RSRP1: variants seen among roughly 807,000 people sequenced by gnomAD.
RSRP1 encodes the protein arginine and serine rich protein 1, also known as arginine/serine-rich protein 1.
In RSRP1, 37 loss-of-function variants were observed where a neutral mutation model predicts 33.0. That is an observed-to-expected ratio of 1.12 (90% CI 0.86 to 1.48). RSRP1 has a LOEUF of 1.48. Among genes scored for constraint, RSRP1 ranks in the 40% most tolerant of loss-of-function variants. The probability of loss-of-function intolerance (pLI) is 0.00; values close to 1 mark genes in which losing one functional copy is unlikely to be tolerated. For synonymous variants in RSRP1, 167 were observed against 158.7 expected (o/e 1.05, Z -0.40); for missense variants, 402 against 385.3 (o/e 1.04, Z -0.36).
rs978970839 is a variant in RSRP1, at chr1:25,246,522, G to A, written c.442C>T (p.Pro148Ser). The change falls in exon 2 of 5, where the codon CCG (proline) becomes TCG (serine). Residue 148 changes from proline to serine, a missense_variant. Coordinates refer to ENST00000243189, the MANE Select transcript of RSRP1 (RefSeq NM_020317.5). ...TCCCTCCATCTGCTGTGCTCCTCCG[G>A]GTACACTGTGCGACCAAAGCCGTAG... The part of the protein sequence containing the change: ...RYYGFGRTVY[P>S]EEHSRWRDRS... The A allele has an allele frequency of 6.2e-7, 1 of 1,614,238 alleles. No individual in the cohort carries two copies. The highest frequency in any genetic ancestry group is 1.7e-5 in the Admixed American group (1 of 60,036).
At chr1:25,331,564 A>ATTTT (rs71014354) in intron 1 of RSRP1, among the ~76,000 whole-genome samples, 3 of 74,362 alleles carry the variant, frequency 4.0e-5, no homozygotes, top group Non-Finnish European at 5.7e-5. Flanking sequence ...GAAAAATGTG[A>ATTTT]TTTTTTTTTT....
upstream of RSRP1, among the ~76,000 whole-genome samples, chr1:25,250,034 C>T (rs988190025): frequency 1.6e-4 from 24 of 152,148 alleles, no homozygotes; most frequent in Admixed American, 2.0e-4. Context: ...AAAATTCTCT[C>T]GGCCCTGAAG....
At chr1:25,260,078 C>T (rs1571540539) in intron 1 of RSRP1, among the ~76,000 whole-genome samples, 1 of 152,228 alleles carries the variant, frequency 6.6e-6, no homozygotes, top group South Asian at 2.1e-4. Flanking sequence ...AATGAATAAG[C>T]GGTTTTCTTA....
At chr1:25,310,967 C>G (rs1440307238) in intron 1 of RSRP1, among the ~76,000 whole-genome samples, 1 of 123,162 alleles carries the variant, frequency 8.1e-6, no homozygotes, top group African/African-American at 2.7e-5. Context: ...GAGCAAAACT[C>G]CATCTCAAAA....
chr1:25,260,036 A>G (rs1211809107), intron 1 of RSRP1, among the ~76,000 whole-genome samples: 2 of 152,108 alleles, frequency 1.3e-5, no homozygotes, highest in Non-Finnish European at 2.9e-5. Context: ...TTCTATTGCT[A>G]TGTGTCACAC....
At chr1:25,282,208 G>T (rs554488280) in intron 1 of RSRP1, among the ~76,000 whole-genome samples, 3 of 132,484 alleles carry the variant, frequency 2.3e-5, no homozygotes, top group Admixed American at 1.5e-4. Flanking sequence ...GCTATGAAGT[G>T]GAAACACATA....
rs1642313755 is a variant in RSRP1, at chr1:25,289,475, A to G, written c.-66-42446T>C. ...CTCCCAAAGTGCTGGGAGTACAGGC[A>G]TGAGCCACTGCACCCAGCCTTATAG... On this transcript the variant is annotated intron_variant, in intron 1 of 1. Transcript: ENST00000561867. 2.3e-5 allele frequency among the ~76,000 whole-genome samples: 3 copies of G among 132,696 alleles called. 1 individual carries two copies. Among genetic ancestry groups the G allele is most frequent in the Admixed American group, 2.2e-4 (3 of 13,636 alleles). 87.1% of individuals were successfully genotyped at this position (132,696 alleles called of 152,430 possible).
Position 25,318,875 on chromosome 1 carries a change from G to C in RSRP1, c.-67+19103C>G, listed in dbSNP as rs764544259. On this transcript the variant is annotated intron_variant, in intron 1 of 1. Coordinates refer to the RSRP1 transcript ENST00000561867. ...TGGAGGTACTTTTTGGAGTTACCTG[G>C]GTAATTTTTGAGTGTGAGATTGGCT... 3.0e-5 allele frequency among the ~76,000 whole-genome samples: 4 copies of C among 132,226 alleles called. 1 individual carries two copies. The highest frequency in any genetic ancestry group is 5.2e-5 in the African/African-American group (2 of 38,786). The allele number at this position is 132,226 out of a possible 152,430, so 86.7% of individuals were successfully genotyped here.
intron 1 of RSRP1, 105 bp downstream of exon 1, chr1:25,247,204 C>T: frequency 2.2e-6 from 1 of 459,780 alleles, no homozygotes; most frequent in East Asian, 3.2e-5. Context: ...GGCCTTGAAG[C>T]GAAACGCTGC....
chr1:25,293,950 C>T, intron 1 of RSRP1, among the ~76,000 whole-genome samples: 1 of 131,778 alleles, frequency 7.6e-6, no homozygotes, highest in African/African-American at 2.6e-5. Context: ...CATTAACTCA[C>T]CAGAATACAG....
At chr1:25,259,551 G>A (rs1640061611) in intron 1 of RSRP1, among the ~76,000 whole-genome samples, 1 of 150,606 alleles carries the variant, frequency 6.6e-6, no homozygotes, top group Non-Finnish European at 1.5e-5. Flanking sequence ...TCACCAGGCT[G>A]GAGTGCAGTG....
rs200176952 is a variant in RSRP1 at position 25,242,735 on chromosome 1, C to G, written c.757-30G>C. The G allele has an allele frequency of 1.2e-4, 164 of 1,403,388 alleles. 1 individual carries two copies. The African/African-American group carries it at 1.9e-3, about 16-fold the overall frequency. The allele number at this position is 1,403,388 out of a possible 1,614,324, so 86.9% of individuals were successfully genotyped here. Reference sequence around the variant, plus strand: ...AAAAGAACAAATTCAGTCAGCTTCCCAAACATACATTGTACACTTTTTTCA... The same window carrying G: ...AAAAGAACAAATTCAGTCAGCTTCCGAAACATACATTGTACACTTTTTTCA... On this transcript the variant is annotated intron_variant, in intron 4 of 4. Transcript: ENST00000243189.
chr1:25,282,991 GA>G (rs966168078), intron 1 of RSRP1, among the ~76,000 whole-genome samples: 2 of 131,744 alleles, frequency 1.5e-5, no homozygotes, highest in East Asian at 2.0e-4. Context: ...ATTAATGACG[GA>G]AAAAAAATTC....
intron 1 of RSRP1, among the ~76,000 whole-genome samples, chr1:25,273,300 T>TA (rs1276094160): frequency 1.8e-5 from 2 of 112,594 alleles, no homozygotes; most frequent in Non-Finnish European, 3.9e-5. Flanking sequence ...CATGCCTGGC[T>TA]AATTTTTTTT....
At chr1:25,245,034 G>A (rs1454236697) in intron 3 of RSRP1, 116 bp downstream of exon 3, 5 of 1,586,702 alleles carry the variant, frequency 3.2e-6, no homozygotes, top group Non-Finnish European at 1.7e-6. Context: ...TTTGAATTTA[G>A]CACATTATAT....
upstream of RSRP1, chr1:25,247,606 G>C (rs940279528): frequency 2.0e-5 from 3 of 152,330 alleles, no homozygotes; most frequent in Non-Finnish European, 4.4e-5. Flanking sequence ...TCGAGCGCTT[G>C]CCTCCAGGGT....
At chr1:25,243,855 G>A (rs1639115030) in intron 3 of RSRP1, 3 of 1,254,052 alleles carry the variant, frequency 2.4e-6, no homozygotes, top group Admixed American at 3.8e-5. Context: ...CTTCCCTGCT[G>A]GCAAATTTAA....
rs563323835 is a variant in RSRP1 at position 25,296,154 on chromosome 1, C to T, written c.-67+41824G>A. Among the ~76,000 whole-genome samples the T allele has an allele frequency of 6.8e-3, 811 of 119,246 alleles. 93 individuals carry two copies. The highest frequency in any genetic ancestry group is 0.022 in the African/African-American group (777 of 35,354). The allele number at this position is 119,246 out of a possible 152,430, so 78.2% of individuals were successfully genotyped here. ...CTGGGATTAGAGGTGTGAGCCACCG[C>T]GCCCAGCCTGGAAGTTTGTATTTAT... is the stretch of plus-strand genomic sequence containing the variant. On this transcript the variant is annotated intron_variant, in intron 1 of 1. Coordinates refer to the RSRP1 transcript ENST00000561867.
intron 1 of RSRP1, among the ~76,000 whole-genome samples, chr1:25,277,496 C>T (rs568177630): frequency 7.5e-6 from 1 of 133,304 alleles, no homozygotes; most frequent in East Asian, 1.9e-4. Context: ...CATGAAAGTT[C>T]GAGAATTCCT....
Sources: gnomAD v4.1 joint callset for allele counts (sites outside exome capture counted in the v4.1 genomes callset) on GRCh38, gnomAD v4.1.1 for gene constraint, MANE v1.5 for transcripts, NCBI Gene and HGNC (gene_info 2026-07-23, HGNC 2026-07-21) for gene names.